Variants in CHST8 observed in about 807,000 individuals in gnomAD.
The protein encoded by CHST8 is carbohydrate sulfotransferase 8, also known as GALNAC-4-ST1.
A neutral mutation model predicts 15.0 loss-of-function variants in CHST8; 10 were observed. That is an observed-to-expected ratio of 0.67 (90% CI 0.41 to 1.13). The LOEUF (loss-of-function observed/expected upper bound fraction) is 1.13. Among genes scored for constraint, CHST8 ranks in the 50% most tolerant of loss-of-function variants. The probability of loss-of-function intolerance (pLI) is 0.00; values close to 1 mark genes in which losing one functional copy is unlikely to be tolerated. For synonymous variants in CHST8, 259 were observed against 256.6 expected (o/e 1.01, Z -0.09); for missense variants, 634 against 608.2 (o/e 1.04, Z -0.45).
chr19:33,690,965 C>T (rs371004904), intron 3 of CHST8, among the ~76,000 whole-genome samples: 2 of 152,188 alleles, frequency 1.3e-5, no homozygotes, highest in African/African-American at 4.8e-5. Context: ...AGGGTCCAGG[C>T]GGCCAGTACC....
At chr19:33,722,737 G>A (rs112107852) in intron 3 of CHST8, among the ~76,000 whole-genome samples, 4 of 152,050 alleles carry the variant, frequency 2.6e-5, no homozygotes, top group Non-Finnish European at 4.4e-5. Context: ...CTCCCATCAC[G>A]GGCCTTGGGA....
intron 3 of CHST8, among the ~76,000 whole-genome samples, chr19:33,728,470 T>C (rs1973941584): frequency 1.3e-5 from 2 of 152,254 alleles, no homozygotes; most frequent in South Asian, 4.1e-4. Flanking sequence ...AAGGAAGAGT[T>C]GGGGGAACAC....
intron 3 of CHST8, among the ~76,000 whole-genome samples, chr19:33,730,780 G>A (rs1447075890): frequency 6.6e-6 from 1 of 152,218 alleles, no homozygotes. Flanking sequence ...TGAGGAGCAA[G>A]GAAGCCAGTC....
chr19:33,732,849 A>G (rs1192519731), intron 3 of CHST8, among the ~76,000 whole-genome samples: 2 of 152,048 alleles, frequency 1.3e-5, no homozygotes, highest in African/African-American at 2.4e-5. Context: ...TAATTCTCAC[A>G]AGGTTCCCTA....
chr19:33,663,259 T>C (rs1972609136), intron 1 of CHST8, among the ~76,000 whole-genome samples: 1 of 152,174 alleles, frequency 6.6e-6, no homozygotes, highest in South Asian at 2.1e-4. Flanking sequence ...ACCCACACTT[T>C]GAAATATTCT....
chr19:33,626,060 C>A (rs755274207), intron 1 of CHST8, among the ~76,000 whole-genome samples: 2 of 152,076 alleles, frequency 1.3e-5, no homozygotes, highest in Non-Finnish European at 2.9e-5. Context: ...CCAGAGGAAA[C>A]CCACGGACCC....
intron 3 of CHST8, among the ~76,000 whole-genome samples, chr19:33,721,372 A>G (rs1207212674): frequency 1.3e-5 from 2 of 152,090 alleles, no homozygotes; most frequent in Non-Finnish European, 2.9e-5. Context: ...CTGAACACCC[A>G]CAGTCACCTT....
chr19:33,713,500 C>G (rs1397498974), intron 3 of CHST8, among the ~76,000 whole-genome samples: 1 of 152,126 alleles, frequency 6.6e-6, no homozygotes, highest in Non-Finnish European at 1.5e-5. Context: ...GCATATAGCT[C>G]TCAGGCAAAA....
At chr19:33,761,675 A>G (rs561175129) in intron 3 of CHST8, among the ~76,000 whole-genome samples, 2 of 151,680 alleles carry the variant, frequency 1.3e-5, no homozygotes, top group East Asian at 1.9e-4. Flanking sequence ...GTATATATGT[A>G]TATATTTTTT....
intron 1 of CHST8, among the ~76,000 whole-genome samples, chr19:33,662,476 A>G (rs996060040): frequency 6.6e-6 from 1 of 152,164 alleles, no homozygotes; most frequent in Admixed American, 6.5e-5. Context: ...TCTCACCTTG[A>G]TTGTCCTGGC....
intron 2 of CHST8, among the ~76,000 whole-genome samples, chr19:33,679,096 G>T (rs1972850649): frequency 6.6e-6 from 1 of 152,232 alleles, no homozygotes; most frequent in Non-Finnish European, 1.5e-5. Flanking sequence ...CTCCTCAGAA[G>T]TCTATGGACT....
chr19:33,756,265 G>C (rs148511675), intron 3 of CHST8, among the ~76,000 whole-genome samples: 126 of 152,328 alleles, frequency 8.3e-4, no homozygotes, highest in African/African-American at 3.0e-3. Context: ...CGTGCTCAGA[G>C]CTAACGAGGC....
At chr19:33,655,209 G>A (rs2145215207) in intron 1 of CHST8, among the ~76,000 whole-genome samples, 1 of 152,238 alleles carries the variant, frequency 6.6e-6, no homozygotes, top group Admixed American at 6.5e-5. Flanking sequence ...GCTAATTTTT[G>A]CATTTTTTGT....
rs761073984 is a variant in CHST8, at chr19:33,689,357, G to A, written c.96G>A (p.Gln32=). Residue 32 remains glutamine (Q), a synonymous_variant, in exon 3 of 5, where the codon CAG becomes CAA. Coordinates refer to ENST00000650847, the MANE Select transcript of CHST8 (RefSeq NM_001127895.2). ...AAGLLLFISL[Q]DPTELAPQQV... Reference sequence around the variant, plus strand: ...GCCTCCTCCTCTTCATCAGCCTGCAGGACCCTACGGAGCTCGCCCCCCAGC... The same window carrying A: ...GCCTCCTCCTCTTCATCAGCCTGCAAGACCCTACGGAGCTCGCCCCCCAGC... 1.1e-5 allele frequency: 18 copies of A among 1,606,686 alleles called. No individual in the cohort carries two copies. In the African/African-American group the frequency reaches 1.3e-4, roughly 12 times the overall value.
At chr19:33,757,690 C>G (rs1021509875) in intron 3 of CHST8, among the ~76,000 whole-genome samples, 1 of 151,668 alleles carries the variant, frequency 6.6e-6, no homozygotes, top group Non-Finnish European at 1.5e-5. Flanking sequence ...CACTGACAAG[C>G]CCAAGATTGG....
chr19:33,643,128 T>C (rs1972305116), intron 1 of CHST8, among the ~76,000 whole-genome samples: 1 of 152,236 alleles, frequency 6.6e-6, no homozygotes, highest in Non-Finnish European at 1.5e-5. Context: ...TCTCAAAGGG[T>C]ATGCCCGTCT....
chr19:33,752,730 G>A (rs34171444), intron 3 of CHST8, among the ~76,000 whole-genome samples: 12,115 of 152,186 alleles, frequency 0.08, 560 homozygotes, highest in Admixed American at 0.11. Context: ...ATATTTTATC[G>A]TTTAAATAGC....
chr19:33,630,934 G>A (rs1972114104), intron 1 of CHST8, among the ~76,000 whole-genome samples: 1 of 152,208 alleles, frequency 6.6e-6, no homozygotes, highest in African/African-American at 2.4e-5. Flanking sequence ...TCCTGTGGCT[G>A]AGCTCAGCCT....
At chr19:33,746,292 T>C (rs531043392) in intron 3 of CHST8, among the ~76,000 whole-genome samples, 2 of 152,334 alleles carry the variant, frequency 1.3e-5, no homozygotes, top group East Asian at 1.9e-4. Context: ...ATCACCCCAA[T>C]TGGAGACGTG....
Sources: gnomAD v4.1 joint callset for allele counts (sites outside exome capture counted in the v4.1 genomes callset) on GRCh38, gnomAD v4.1.1 for gene constraint, MANE v1.5 for transcripts, NCBI Gene and HGNC (gene_info 2026-07-23, HGNC 2026-07-21) for gene names.